AGBL1: variants seen among roughly 807,000 people sequenced by gnomAD.
The protein encoded by AGBL1 is AGBL carboxypeptidase 1.
A neutral mutation model predicts 118.9 loss-of-function variants in AGBL1; 130 were observed. The observed-to-expected ratio is 1.09, with a 90% CI of 0.95 to 1.26. AGBL1 has a LOEUF of 1.26. AGBL1 is among the 50% of genes most tolerant of loss of function. AGBL1 has a pLI of 0.00. For missense variants in AGBL1, 1,584 were observed against 1,298.1 expected (o/e 1.22, Z -3.38); for synonymous variants, 555 against 478.9 (o/e 1.16, Z -2.08).
At chr15:86,634,493 G>A (rs1480858606) in intron 21 of AGBL1, among the ~76,000 whole-genome samples, 1 of 152,160 alleles carries the variant, frequency 6.6e-6, no homozygotes, top group East Asian at 1.9e-4. Context: ...TATAGGAAAT[G>A]CTCAGAACAG....
intron 22 of AGBL1, among the ~76,000 whole-genome samples, chr15:86,709,786 A>G (rs561399312): frequency 2.7e-4 from 41 of 152,306 alleles, no homozygotes; most frequent in Non-Finnish European, 4.3e-4. Flanking sequence ...GTCCTCCCAG[A>G]TAATGATTAA....
rs544650085 is a variant in AGBL1, at chr15:86,343,054, G to A, written c.2374+47646G>A. On this transcript the variant is annotated intron_variant, in intron 17 of 22. Coordinates refer to ENST00000614907, the MANE Select transcript of AGBL1 (RefSeq NM_001386094.1). ...CACTAACTTAGACATAGTCTTGGGG[G>A]TCAAGGATAAAGGTGGGTTTTTACA... is the stretch of plus-strand genomic sequence containing the variant. Among the ~76,000 whole-genome samples the A allele has an allele frequency of 5.9e-5, 9 of 152,128 alleles. No homozygotes were observed. In the South Asian group the frequency reaches 1.7e-3, roughly 28 times the overall value.
In AGBL1 at chr15:86,974,387, TATATTAAATATAAAC is replaced by T. The variant is rs1211512646; in HGVS notation, c.3222-13579_3222-13565del. 5.9e-4 allele frequency among the ~76,000 whole-genome samples: 60 copies of T among 101,838 alleles called. 1 individual carries two copies. The highest frequency in any genetic ancestry group is 7.6e-4 in the Non-Finnish European group (38 of 50,224). The allele number at this position is 101,838 out of a possible 152,430, so 66.8% of individuals were successfully genotyped here. On this transcript the variant is annotated intron_variant, in intron 23 of 24. Coordinates refer to the AGBL1 transcript ENST00000441037. Reference sequence around the variant, plus strand: ...AATATATTAAATATAAACATTTTAATATATTAAATATAAACATATTAAATATAAACATATTTTATA... The same window carrying T: ...AATATATTAAATATAAACATTTTAATATATTAAATATAAACATATTTTATA...
In AGBL1 at chr15:86,925,976, C is replaced by T. The variant is rs147071987; in HGVS notation, c.3222-62011C>T. On this transcript the variant is annotated intron_variant, in intron 23 of 24. Coordinates refer to the AGBL1 transcript ENST00000441037. ...CAATCTCCTGACCTTGTGATTCACC[C>T]GCCTCAGCCTCCCAAAGTGCTGGGA... is the stretch of plus-strand genomic sequence containing the variant. Among the ~76,000 whole-genome samples, 13 of 152,144 alleles carry T rather than the reference C, an allele frequency of 8.5e-5. No individual in the cohort carries two copies. In the East Asian group the frequency reaches 1.5e-3, roughly 18 times the overall value.
chr15:86,287,085 G>A (rs1039981836), intron 16 of AGBL1, among the ~76,000 whole-genome samples: 6 of 151,932 alleles, frequency 3.9e-5, no homozygotes, highest in Admixed American at 3.3e-4. Context: ...GTTTTATTTT[G>A]CATGTCTCTG....
intron 24 of AGBL1, among the ~76,000 whole-genome samples, chr15:87,003,215 T>C (rs2081459703): frequency 6.6e-6 from 1 of 152,216 alleles, no homozygotes; most frequent in South Asian, 2.1e-4. Context: ...CAAAGGCCTT[T>C]TCTGCATCTA....
chr15:86,727,425 T>G (rs764500736), intron 22 of AGBL1, among the ~76,000 whole-genome samples: 12 of 152,176 alleles, frequency 7.9e-5, no homozygotes, highest in Non-Finnish European at 1.5e-4. Flanking sequence ...TTTTTTTAAA[T>G]TTTAGTTTGA....
chr15:86,142,859 A>G (rs951510434), intron 2 of AGBL1, among the ~76,000 whole-genome samples: 1 of 152,194 alleles, frequency 6.6e-6, no homozygotes, highest in Non-Finnish European at 1.5e-5. Flanking sequence ...TTAAGACAAA[A>G]CCTTGAAGTT....
At chr15:86,925,249 T>C (rs1228653197) in intron 23 of AGBL1, among the ~76,000 whole-genome samples, 6 of 151,974 alleles carry the variant, frequency 3.9e-5, no homozygotes, top group African/African-American at 1.4e-4. Context: ...GGTGGCTTGT[T>C]AAAACAGAGA....
At chr15:86,171,696 A>G (rs558712169) in intron 5 of AGBL1, among the ~76,000 whole-genome samples, 113 of 152,308 alleles carry the variant, frequency 7.4e-4, no homozygotes, top group Non-Finnish European at 1.4e-3. Flanking sequence ...TACTCTATGT[A>G]AGGGCAAATA....
At chr15:86,197,588 A>G (rs2077834656) in intron 5 of AGBL1, among the ~76,000 whole-genome samples, 1 of 152,224 alleles carries the variant, frequency 6.6e-6, no homozygotes, top group Admixed American at 6.5e-5. Flanking sequence ...CTGAATGCTT[A>G]GAGAAAATTC....
At chr15:86,786,757 A>G (rs909727304) in intron 22 of AGBL1, among the ~76,000 whole-genome samples, 2 of 152,132 alleles carry the variant, frequency 1.3e-5, no homozygotes, top group African/African-American at 4.8e-5. Flanking sequence ...ATGTTGCTAC[A>G]TGTAGATCTA....
intron 1 of AGBL1, among the ~76,000 whole-genome samples, chr15:86,082,072 A>T (rs1895324691): frequency 6.6e-6 from 1 of 152,222 alleles, no homozygotes; most frequent in Non-Finnish European, 1.5e-5. Context: ...TTTGGTTTAG[A>T]ATTGACCTGG....
intron 21 of AGBL1, among the ~76,000 whole-genome samples, chr15:86,668,876 A>G (rs1366564741): frequency 6.6e-6 from 1 of 152,184 alleles, no homozygotes; most frequent in Non-Finnish European, 1.5e-5. Context: ...GTAGAGCAGT[A>G]AAAATGGGCA....
chr15:86,209,300 G>A (rs147278741), intron 5 of AGBL1, among the ~76,000 whole-genome samples: 7 of 152,260 alleles, frequency 4.6e-5, no homozygotes, highest in East Asian at 1.9e-4. Flanking sequence ...TTGTTGACTT[G>A]GGGTGGAGAG....
intron 18 of AGBL1, among the ~76,000 whole-genome samples, chr15:86,429,325 C>T (rs377206753): frequency 9.2e-5 from 14 of 152,180 alleles, no homozygotes; most frequent in Admixed American, 7.2e-4. Flanking sequence ...ATGGGATGGG[C>T]CTATTCTACC....
intron 1 of AGBL1, among the ~76,000 whole-genome samples, chr15:86,120,896 A>T: frequency 6.9e-6 from 1 of 145,458 alleles, no homozygotes; most frequent in African/African-American, 2.6e-5. Context: ...GTTTGCTTTT[A>T]TGGATTTTTT....
At chr15:86,546,251 T>A in intron 20 of AGBL1, 118 bp downstream of exon 20, 1 of 1,165,776 alleles carries the variant, frequency 8.6e-7, no homozygotes, top group Non-Finnish European at 1.1e-6. Context: ...ATAAGCATTT[T>A]AATTATTCTA....
chr15:86,507,235 C>G (rs796285559), intron 18 of AGBL1, among the ~76,000 whole-genome samples: 13 of 152,144 alleles, frequency 8.5e-5, no homozygotes, highest in African/African-American at 2.6e-4. Context: ...AAGAATCAAG[C>G]TTACTTATCA....
Sources: allele counts gnomAD v4.1 joint callset (sites outside exome capture counted in the v4.1 genomes callset), GRCh38; gene constraint gnomAD v4.1.1; transcripts MANE v1.5; gene names NCBI Gene and HGNC (gene_info 2026-07-23, HGNC 2026-07-21).